The following ELF1 variants were observed in gnomAD, a reference collection of about 807,000 sequenced individuals.
ELF1 encodes ETS-related transcription factor Elf-1.
In ELF1, 24 loss-of-function variants were observed where a neutral mutation model predicts 59.9. The observed-to-expected ratio is 0.40, with a 90% CI of 0.29 to 0.56. The LOEUF is 0.56. ELF1 is among the 20% of genes least tolerant of loss of function. The pLI is 0.44. For synonymous variants in ELF1, 248 were observed against 266.2 expected (o/e 0.93, Z 0.67); for missense variants, 627 against 742.2 (o/e 0.84, Z 1.80).
At chr13:41,025,593 T>C (rs751636606) in intron 1 of ELF1, among the ~76,000 whole-genome samples, 1 of 152,244 alleles carries the variant, frequency 6.6e-6, no homozygotes, top group Non-Finnish European at 1.5e-5. Flanking sequence ...ACAAAGTGAC[T>C]TCCCAATGTC....
chr13:40,969,960 A>C (rs1440530247), intron 2 of ELF1, among the ~76,000 whole-genome samples: 1 of 152,150 alleles, frequency 6.6e-6, no homozygotes, highest in Non-Finnish European at 1.5e-5. Flanking sequence ...ATCTGGGCCT[A>C]CAGGTTTTGT....
chr13:40,955,772 C>G (rs1319811268), intron 3 of ELF1, among the ~76,000 whole-genome samples: 3 of 34,088 alleles, frequency 8.8e-5, no homozygotes, highest in African/African-American at 5.4e-4. Context: ...GGGAGGGAGG[C>G]GGGGGGGTCA....
chr13:40,967,085 G>C (rs897041558), intron 2 of ELF1, among the ~76,000 whole-genome samples: 3 of 152,142 alleles, frequency 2.0e-5, no homozygotes, highest in African/African-American at 4.8e-5. Flanking sequence ...ACAAATCCCT[G>C]TGCCCAGCCT....
At chr13:40,981,895 C>A in intron 2 of ELF1, 88 bp downstream of exon 2, 2 of 1,423,358 alleles carry the variant, frequency 1.4e-6, no homozygotes, top group South Asian at 1.4e-5. Flanking sequence ...AAGTTTCTCT[C>A]ATTGTCTTTT....
intron 2 of ELF1, among the ~76,000 whole-genome samples, chr13:40,978,366 A>G (rs2138259586): frequency 6.6e-6 from 1 of 150,988 alleles, no homozygotes; most frequent in Admixed American, 6.6e-5. Context: ...TGACGAGGCA[A>G]GACTCAGTCT....
At chr13:41,018,948 A>C (rs1483366529) in intron 1 of ELF1, among the ~76,000 whole-genome samples, 2 of 152,242 alleles carry the variant, frequency 1.3e-5, no homozygotes, top group Non-Finnish European at 2.9e-5. Flanking sequence ...CTTAAAAACA[A>C]ATAAACAAAC....
At chr13:40,970,917 AC>A (rs1297906821) in intron 2 of ELF1, among the ~76,000 whole-genome samples, 1 of 152,190 alleles carries the variant, frequency 6.6e-6, no homozygotes. Context: ...ATACAGTGGT[AC>A]CCCTAATGTA....
chr13:40,959,745 A>G (rs777331196), intron 2 of ELF1, among the ~76,000 whole-genome samples: 5 of 143,452 alleles, frequency 3.5e-5, no homozygotes, highest in Admixed American at 6.8e-5. Context: ...GTATGGCTAT[A>G]TTAAGAGTAT....
chr13:40,982,404 G>A lies in ELF1; in HGVS notation c.-228-122C>T, dbSNP rs899673071. 86 of 556,542 alleles carry A rather than the reference G, an allele frequency of 1.5e-4. 1 individual carries two copies. In the Admixed American group the frequency reaches 2.3e-3, roughly 15 times the overall value. The allele number at this position is 556,542 out of a possible 1,614,324, so 34.5% of individuals were successfully genotyped here. On this transcript the variant is annotated intron_variant, in intron 1 of 8. Coordinates refer to ENST00000239882, the MANE Select transcript of ELF1 (RefSeq NM_172373.4). ...ATTATTAACGTTTTTAAATAAAATC[G>A]ACACGACTAATGCACATACGCTCTT... is the stretch of plus-strand genomic sequence containing the variant.
chr13:40,951,589 C>G (rs1870854398), intron 3 of ELF1, 153 bp from the exon 4 acceptor site: 1 of 476,034 alleles, frequency 2.1e-6, no homozygotes, highest in East Asian at 3.7e-5. Context: ...CATACCAAAC[C>G]TGGCTGGCGC....
chr13:40,974,838 A>C (rs1872803325), intron 2 of ELF1, among the ~76,000 whole-genome samples: 1 of 152,122 alleles, frequency 6.6e-6, no homozygotes, highest in African/African-American at 2.4e-5. Context: ...CAAATGTTAG[A>C]CCACAGGCAG....
Position 40,940,948 on chromosome 13 carries a change from G to C in ELF1, c.1229C>G (p.Thr410Arg), listed in dbSNP as rs1870117944. The change falls in exon 8 of 9, where the codon ACA becomes AGA. Residue 410 changes from threonine (T) to arginine (R), a missense_variant. Physicochemically the swap from Thr to Arg is moderately conservative, Grantham distance 71 (BLOSUM62 -1). Transcript: ENST00000239882. ...AARTSTMQDE[T>R]LNSSVQSIRT... The stretch of plus-strand genomic sequence containing the variant: ...AATACTCTGAACGGAAGAATTTAAT[G>C]TTTCATCCTGCATGGTACTGGTTCT... 4 of 1,613,516 alleles carry C rather than the reference G, an allele frequency of 2.5e-6. No homozygotes were observed. Among genetic ancestry groups the C allele is most frequent in the Non-Finnish European group, 3.4e-6 (4 of 1,179,768 alleles).
At chr13:41,005,442 T>A in intron 1 of ELF1, among the ~76,000 whole-genome samples, 1 of 82,128 alleles carries the variant, frequency 1.2e-5, no homozygotes. Flanking sequence ...ACCTCTGCTA[T>A]ACCTATCCAA....
At chr13:40,985,344 C>T (rs1456859581) in intron 1 of ELF1, among the ~76,000 whole-genome samples, 1 of 152,126 alleles carries the variant, frequency 6.6e-6, no homozygotes, top group Non-Finnish European at 1.5e-5. Context: ...CAGTAACAGA[C>T]AAGACTGAAG....
At chr13:40,995,438 C>T (rs533553613) in intron 1 of ELF1, among the ~76,000 whole-genome samples, 18 of 152,098 alleles carry the variant, frequency 1.2e-4, no homozygotes, top group Non-Finnish European at 1.5e-4. Flanking sequence ...GAGAAGTGAA[C>T]GGAAATATTC....
chr13:40,990,570 C>G (rs1229463108), intron 1 of ELF1, among the ~76,000 whole-genome samples: 1 of 151,928 alleles, frequency 6.6e-6, no homozygotes, highest in African/African-American at 2.4e-5. Context: ...AAATATATTA[C>G]TTTGGCCAGG....
intron 1 of ELF1, among the ~76,000 whole-genome samples, chr13:41,029,191 G>GT (rs1876067557): frequency 2.0e-5 from 3 of 152,164 alleles, no homozygotes; most frequent in Admixed American, 6.5e-5. Flanking sequence ...CTACAATTTC[G>GT]TAATTGTCTC....
intron 3 of ELF1, among the ~76,000 whole-genome samples, chr13:40,953,763 A>G (rs182014764): frequency 4.6e-5 from 7 of 152,306 alleles, no homozygotes; most frequent in Admixed American, 3.9e-4. Context: ...CCACTGTGGA[A>G]TAACGAAGAT....
At chr13:40,948,341 C>T (rs930590618) in intron 5 of ELF1, among the ~76,000 whole-genome samples, 1 of 152,148 alleles carries the variant, frequency 6.6e-6, no homozygotes, top group Admixed American at 6.5e-5. Context: ...TTCTTTCCCC[C>T]AAGAGGGTAT....
Sources: gnomAD v4.1 joint callset for allele counts (sites outside exome capture counted in the v4.1 genomes callset) on GRCh38, gnomAD v4.1.1 for gene constraint, MANE v1.5 for transcripts, NCBI Gene and HGNC (gene_info 2026-07-23, HGNC 2026-07-21) for gene names.